The following NRG3 variants were observed in gnomAD, a reference collection of about 807,000 sequenced individuals.
NRG3 encodes neuregulin 3, also known as pro-neuregulin-3, membrane-bound isoform.
Under a neutral mutation model 66.9 loss-of-function variants are expected in NRG3, and 31 were observed. The ratio of observed to expected loss-of-function variants is 0.46; its 90% CI spans 0.35 to 0.63. The LOEUF (loss-of-function observed/expected upper bound fraction) is 0.63. NRG3 is among the 20% of genes least tolerant of loss of function. NRG3 has a pLI of 0.00. For synonymous variants in NRG3, 393 were observed against 359.4 expected, an observed-to-expected ratio of 1.09 and a Z score of -1.06; for missense variants, 910 against 878.9, an observed-to-expected ratio of 1.04 and a Z score of -0.45.
chr10:82,456,230 A>G (rs530494692), intron 2 of NRG3, among the ~76,000 whole-genome samples: 54 of 151,380 alleles, frequency 3.6e-4, no homozygotes, highest in African/African-American at 1.2e-3. Context: ...TCCCACCTCA[A>G]ACTCCTTGGC....
intron 1 of NRG3, among the ~76,000 whole-genome samples, chr10:82,016,344 T>G (rs773508767): frequency 3.9e-5 from 6 of 151,968 alleles, no homozygotes; most frequent in Non-Finnish European, 5.9e-5. Context: ...AAGAGTCTAC[T>G]TGAAAGATGA....
At chr10:82,855,168 G>C (rs775250523) in intron 3 of NRG3, among the ~76,000 whole-genome samples, 28 of 152,078 alleles carry the variant, frequency 1.8e-4, no homozygotes, top group Non-Finnish European at 2.5e-4. Context: ...TTGTGAAGTG[G>C]TATTCGTCAT....
At chr10:82,084,288 C>T (rs926993022) in intron 1 of NRG3, among the ~76,000 whole-genome samples, 1 of 152,088 alleles carries the variant, frequency 6.6e-6, no homozygotes, top group African/African-American at 2.4e-5. Context: ...TAAAAAGAAT[C>T]TCATACAGTT....
intron 1 of NRG3, among the ~76,000 whole-genome samples, chr10:82,260,590 C>T (rs2077974887): frequency 1.3e-5 from 2 of 152,088 alleles, no homozygotes; most frequent in Admixed American, 1.3e-4. Context: ...ATGTCAGGAT[C>T]AGATTTCTGG....
intron 2 of NRG3, among the ~76,000 whole-genome samples, chr10:82,652,614 G>A (rs1443398034): frequency 6.6e-6 from 1 of 152,128 alleles, no homozygotes; most frequent in Non-Finnish European, 1.5e-5. Flanking sequence ...ATAGGCAGAG[G>A]ATGTCAGGTA....
intron 2 of NRG3, among the ~76,000 whole-genome samples, chr10:82,424,472 TATTTAA>T (rs1394496213): frequency 6.6e-6 from 1 of 152,082 alleles, no homozygotes; most frequent in African/African-American, 2.4e-5. Flanking sequence ...ATTATTTTCC[TATTTAA>T]AAATTGGGTG....
chr10:82,215,963 C>CTTTTT (rs71894841), intron 1 of NRG3, among the ~76,000 whole-genome samples: 3,192 of 88,920 alleles, frequency 0.036, 163 homozygotes, highest in African/African-American at 0.043. Context: ...TTATGTTTTC[C>CTTTTT]TTTTTTTTTT....
chr10:81,999,650 A>G lies in NRG3; in HGVS notation c.823+123487A>G, dbSNP rs115988319. 5.9e-3 allele frequency among the ~76,000 whole-genome samples: 895 copies of G among 152,316 alleles called. 3 individuals are homozygous for G. The highest frequency in any genetic ancestry group is 0.02 in the African/African-American group (834 of 41,580). On this transcript the variant is annotated intron_variant, in intron 1 of 8. Coordinates refer to ENST00000372141, the MANE Select transcript of NRG3 (RefSeq NM_001010848.4). Reference sequence around the variant, plus strand: ...AGATCTTCATTACAAATAGATTCATATGTGCTCATAAGAAATCAATTTCCT... The same window carrying G: ...AGATCTTCATTACAAATAGATTCATGTGTGCTCATAAGAAATCAATTTCCT...
intron 2 of NRG3, among the ~76,000 whole-genome samples, chr10:82,653,989 C>T (rs1475116146): frequency 1.3e-5 from 2 of 152,122 alleles, no homozygotes; most frequent in African/African-American, 4.8e-5. Context: ...GACTCTGTGG[C>T]AGCCAAAATT....
At chr10:82,895,292 T>C (rs551282877) in intron 4 of NRG3, among the ~76,000 whole-genome samples, 4 of 152,114 alleles carry the variant, frequency 2.6e-5, no homozygotes, top group Non-Finnish European at 5.9e-5. Context: ...TTAGCACTGT[T>C]CCCCACATCC....
intron 4 of NRG3, among the ~76,000 whole-genome samples, chr10:82,893,763 A>G (rs551403544): frequency 1.5e-4 from 23 of 152,350 alleles, no homozygotes; most frequent in Admixed American, 9.1e-4. Context: ...TGCCATGTTT[A>G]CAGGTAAATT....
chr10:82,161,126 T>C (rs1232865795), intron 1 of NRG3, among the ~76,000 whole-genome samples: 1 of 151,950 alleles, frequency 6.6e-6, no homozygotes, highest in East Asian at 1.9e-4. Flanking sequence ...ATTTGGGAAA[T>C]TTTAAAAGAT....
At chr10:82,815,181 A>C (rs1166251460) in intron 3 of NRG3, among the ~76,000 whole-genome samples, 5 of 152,202 alleles carry the variant, frequency 3.3e-5, no homozygotes, top group Non-Finnish European at 7.3e-5. Flanking sequence ...TGGCATCCTG[A>C]TGAAAGTTTG....
rs555552111 is a variant in NRG3 at position 82,283,797 on chromosome 10, C to A, written c.824-74942C>A. On this transcript the variant is annotated intron_variant, in intron 1 of 8. Coordinates refer to ENST00000372141, the MANE Select transcript of NRG3 (RefSeq NM_001010848.4). ...CATTTCTGCATCTCGAGTCCCAATT[C>A]ACAAAATTGAAAGATCTCTCAGGCC... 5.3e-5 allele frequency among the ~76,000 whole-genome samples: 8 copies of A among 152,252 alleles called. No homozygotes were observed. The South Asian group carries it at 1.2e-3, about 24-fold the overall frequency.
intron 2 of NRG3, among the ~76,000 whole-genome samples, chr10:82,683,075 T>C (rs971984637): frequency 6.7e-6 from 1 of 148,810 alleles, no homozygotes; most frequent in South Asian, 2.2e-4. Flanking sequence ...TCTCCTGCCT[T>C]AGCCTCCTGA....
intron 2 of NRG3, among the ~76,000 whole-genome samples, chr10:82,636,697 C>G (rs1233856594): frequency 6.6e-6 from 1 of 152,036 alleles, no homozygotes; most frequent in Non-Finnish European, 1.5e-5. Flanking sequence ...AATAATGTTG[C>G]AATGAACATG....
chr10:82,964,633 A>G (rs904298387), intron 6 of NRG3, among the ~76,000 whole-genome samples: 8 of 152,194 alleles, frequency 5.3e-5, no homozygotes, highest in African/African-American at 1.9e-4. Context: ...ACATATTGTA[A>G]CTATCAATTT....
At chr10:82,783,516 A>C (rs541288363) in intron 3 of NRG3, among the ~76,000 whole-genome samples, 1 of 152,124 alleles carries the variant, frequency 6.6e-6, no homozygotes, top group Non-Finnish European at 1.5e-5. Flanking sequence ...AAGTCTCAGG[A>C]TACAAAATCA....
chr10:82,609,639 CAT>C (rs964672763), intron 2 of NRG3, among the ~76,000 whole-genome samples: 6 of 148,332 alleles, frequency 4.0e-5, no homozygotes, highest in South Asian at 2.1e-4. Flanking sequence ...AGTTGGAAAA[CAT>C]GTGTTAAACC....
Sources: gnomAD v4.1 joint callset for allele counts (sites outside exome capture counted in the v4.1 genomes callset) on GRCh38, gnomAD v4.1.1 for gene constraint, MANE v1.5 for transcripts, NCBI Gene and HGNC (gene_info 2026-07-23, HGNC 2026-07-21) for gene names.